RIPOR2: variants seen among roughly 807,000 people sequenced by gnomAD.
The protein encoded by RIPOR2 is rho family-interacting cell polarization regulator 2.
In RIPOR2, 39 loss-of-function variants were observed where a neutral mutation model predicts 114.5. The ratio of observed to expected loss-of-function variants is 0.34; its 90% confidence interval spans 0.26 to 0.44. The LOEUF is 0.44. Ranked by LOEUF, RIPOR2 falls within the 20% of genes least tolerant of loss-of-function variation. The pLI, the probability that RIPOR2 is intolerant of heterozygous loss-of-function variation, is 1.00. For synonymous variants in RIPOR2, 445 were observed against 484.4 expected (o/e 0.92, Z 1.07); for missense variants, 1,007 against 1,255.1 (o/e 0.80, Z 2.99).
chr6:25,022,473 T>G (rs935513498), intron 1 of RIPOR2, among the ~76,000 whole-genome samples: 5 of 149,508 alleles, frequency 3.3e-5, no homozygotes, highest in African/African-American at 9.8e-5. Context: ...CATTAATTCA[T>G]AAGTAAAGGA....
intron 1 of RIPOR2, among the ~76,000 whole-genome samples, chr6:24,934,164 G>C (rs73382319): frequency 3.3e-5 from 5 of 152,224 alleles, no homozygotes; most frequent in African/African-American, 1.2e-4. Flanking sequence ...CAATTTTTCC[G>C]TTCTAAGCTT....
chr6:24,897,004 A>G lies in RIPOR2; in HGVS notation c.62-21187T>C, dbSNP rs913434102. On this transcript the variant is annotated intron_variant, in intron 1 of 21. Coordinates refer to ENST00000643898, the MANE Select transcript of RIPOR2 (RefSeq NM_001286445.3). ...GAATGATTTTTAAGAGCAATTTTCT[A>G]TGATATGATTGTGAGCTTTTCAGTG... 1.3e-5 allele frequency among the ~76,000 whole-genome samples: 2 copies of G among 152,226 alleles called. 1 individual carries two copies. The highest frequency in any genetic ancestry group is 1.3e-4 in the Admixed American group (2 of 15,286).
At chr6:24,976,836 A>T in intron 1 of RIPOR2, 1 of 1,610,752 alleles carries the variant, frequency 6.2e-7, no homozygotes, top group Non-Finnish European at 8.5e-7. Context: ...TGCACTGCCA[A>T]GACTGAGTGG....
chr6:24,878,886 G>A (rs953260428), intron 1 of RIPOR2, among the ~76,000 whole-genome samples: 3 of 141,644 alleles, frequency 2.1e-5, no homozygotes, highest in Non-Finnish European at 3.0e-5. Context: ...TGAATTAAAC[G>A]CTGGAGAGTA....
At chr6:24,865,513 T>C (rs182819636) in intron 6 of RIPOR2, 63 bp from the exon 7 acceptor site, 103 of 1,333,534 alleles carry the variant, frequency 7.7e-5, no homozygotes. Context: ...ACATAGATCA[T>C]TGTTACATGC....
intron 7 of RIPOR2, among the ~76,000 whole-genome samples, chr6:24,861,896 A>G (rs1562278306): frequency 6.6e-6 from 1 of 152,194 alleles, no homozygotes; most frequent in Non-Finnish European, 1.5e-5. Context: ...CAATTTTTCT[A>G]TAGGTTTGAA....
At position 24,804,642 on chromosome 6, in the gene RIPOR2, C is replaced by A. The variant is rs1780673788; in HGVS notation, c.*1731G>T. Reference sequence around the variant, plus strand: ...TACAGATATGTACACGATAAGTTCACAGTTGAAAGAACCATTTGCCAGAAG... The same window carrying A: ...TACAGATATGTACACGATAAGTTCAAAGTTGAAAGAACCATTTGCCAGAAG... On this transcript the variant is annotated 3_prime_UTR_variant, in exon 22 of 22. Transcript: ENST00000643898. 6.6e-6 allele frequency: 1 copy of A among 152,124 alleles called. No homozygotes were observed. The highest frequency in any genetic ancestry group is 2.1e-4 in the South Asian group (1 of 4,822). 9.4% of individuals were successfully genotyped at this position (152,124 alleles called of 1,614,324 possible).
chr6:24,877,317 C>T, intron 1 of RIPOR2: 1 of 985,370 alleles, frequency 1.0e-6, no homozygotes, highest in Non-Finnish European at 1.2e-6. Context: ...CCTCCCTCTC[C>T]AGGAGAGAGC....
At chr6:24,829,535 G>T (rs78811849) in intron 17 of RIPOR2, among the ~76,000 whole-genome samples, 1 of 152,136 alleles carries the variant, frequency 6.6e-6, no homozygotes, top group East Asian at 1.9e-4. Context: ...GAAGAGGCAG[G>T]AGAATCTCCT....
intron 8 of RIPOR2, among the ~76,000 whole-genome samples, chr6:24,859,983 C>T (rs1014302460): frequency 6.6e-6 from 1 of 152,150 alleles, no homozygotes; most frequent in Non-Finnish European, 1.5e-5. Context: ...CTGTGATGGC[C>T]GCTCATTTGA....
At chr6:24,806,899 T>C (rs1371900455) in intron 21 of RIPOR2, among the ~76,000 whole-genome samples, 2 of 152,218 alleles carry the variant, frequency 1.3e-5, no homozygotes, top group African/African-American at 4.8e-5. Context: ...TGTGGTAAAA[T>C]CAATCTTAGG....
chr6:24,923,238 C>A (rs1193714194), intron 1 of RIPOR2, among the ~76,000 whole-genome samples: 2 of 152,118 alleles, frequency 1.3e-5, no homozygotes, highest in Non-Finnish European at 2.9e-5. Context: ...GAATAATATT[C>A]CATTGTGTGT....
At chr6:24,908,779 G>A (rs1581773217) in intron 1 of RIPOR2, among the ~76,000 whole-genome samples, 1 of 152,144 alleles carries the variant, frequency 6.6e-6, no homozygotes, top group African/African-American at 2.4e-5. Flanking sequence ...GGTCAACCTT[G>A]GGTGGGTCCC....
In RIPOR2 at chr6:24,882,578, G is replaced by C. The variant is rs1332339498; in HGVS notation, c.62-6761C>G. ...AGCACAAAAGCCCTCTCCTGTATTA[G>C]GAAAACACAGAAAGTAGAAAGGAGG... On this transcript the variant is annotated intron_variant, in intron 1 of 21. Transcript: ENST00000643898. Among the ~76,000 whole-genome samples, 5 of 152,150 alleles carry C rather than the reference G, an allele frequency of 3.3e-5. No individual in the cohort carries two copies. In the East Asian group the frequency reaches 5.8e-4, roughly 18 times the overall value.
intron 1 of RIPOR2, among the ~76,000 whole-genome samples, chr6:24,904,273 C>T (rs781036686): frequency 5.3e-5 from 8 of 152,188 alleles, no homozygotes; most frequent in East Asian, 1.9e-4. Flanking sequence ...TACCTTCCGG[C>T]GGCTCGAGGA....
intron 1 of RIPOR2, among the ~76,000 whole-genome samples, chr6:24,950,400 G>A (rs1261285975): frequency 1.3e-5 from 2 of 151,888 alleles, no homozygotes; most frequent in African/African-American, 4.8e-5. Flanking sequence ...GAAAAATTTG[G>A]GCTCTGCATT....
Position 25,037,383 on chromosome 6 carries a change from G to A in RIPOR2, c.76+4468C>T, listed in dbSNP as rs1051295275. Among the ~76,000 whole-genome samples, 4 of 152,070 alleles carry A rather than the reference G, an allele frequency of 2.6e-5. No individual in the cohort carries two copies. Among genetic ancestry groups the A allele is most frequent in the East Asian group, 1.9e-4 (1 of 5,192 alleles). ...TTATCTGTGCCCACCCCTCATTCCC[G>A]TGCCCTGCCCTGACCCTGCTGTCAT... On this transcript the variant is annotated intron_variant, in intron 1 of 13. Coordinates refer to the RIPOR2 transcript ENST00000510784. The surrounding 1 kb of genome is among the most constrained non-coding windows in gnomAD (Gnocchi z 4.5).
In RIPOR2 at chr6:24,839,292, C is replaced by CA; in HGVS notation, c.1858-21dup. Reference sequence around the variant, plus strand: ...CTTGCACTGTAAAGGCAGAAGGCACCAGGGAGAACATCAACATATCCGGAA... The same window carrying CA: ...CTTGCACTGTAAAGGCAGAAGGCACCAAGGGAGAACATCAACATATCCGGAA... On this transcript the variant is annotated intron_variant, in intron 13 of 21. Transcript: ENST00000643898. 5.8e-6 allele frequency: 9 copies of CA among 1,543,212 alleles called. No homozygotes were observed. The highest frequency in any genetic ancestry group is 6.1e-6 in the Non-Finnish European group (7 of 1,141,794).
At chr6:24,994,223 A>G (rs907559585) in intron 1 of RIPOR2, among the ~76,000 whole-genome samples, 1 of 152,178 alleles carries the variant, frequency 6.6e-6, no homozygotes, top group South Asian at 2.1e-4. Flanking sequence ...AGGAAGATAC[A>G]TCAAGCAAAA....
Sources: gnomAD v4.1 joint callset for allele counts (sites outside exome capture counted in the v4.1 genomes callset) on GRCh38, gnomAD v4.1.1 for gene constraint, Gnocchi (gnomAD v3.1) non-coding constraint, MANE v1.5 for transcripts, NCBI Gene and HGNC (gene_info 2026-07-23, HGNC 2026-07-21) for gene names.